Variants in STAB2 observed in about 807,000 individuals in gnomAD.
The protein encoded by STAB2 is stabilin-2.
A neutral mutation model predicts 338.1 loss-of-function variants in STAB2; 288 were observed. The observed-to-expected ratio is 0.85, with a 90% CI of 0.77 to 0.94. The LOEUF is 0.94. Ranked by LOEUF, STAB2 falls within the 40% of genes least tolerant of loss-of-function variation. The pLI is 0.00. For synonymous variants in STAB2, 1,202 were observed against 1,193.3 expected (o/e 1.01, Z -0.15); for missense variants, 3,141 against 3,210.1 (o/e 0.98, Z 0.52).
intron 17 of STAB2, 80 bp downstream of exon 17, chr12:103,660,843 C>G (rs1474966596): frequency 2.3e-5 from 33 of 1,430,454 alleles, no homozygotes; most frequent in Non-Finnish European, 3.2e-5. Context: ...GTTATCCTGC[C>G]TCTATGCTAA....
chr12:103,673,588 A>G (rs533811052), intron 22 of STAB2, among the ~76,000 whole-genome samples: 4 of 152,168 alleles, frequency 2.6e-5, no homozygotes, highest in East Asian at 1.9e-4. Context: ...GGCTCAAGCA[A>G]TCCTCCCACG....
At chr12:103,740,040 A>C (rs1242556821) in intron 54 of STAB2, among the ~76,000 whole-genome samples, 2 of 152,198 alleles carry the variant, frequency 1.3e-5, no homozygotes, top group Non-Finnish European at 2.9e-5. Context: ...GACAAATCTT[A>C]TGACCTATCA....
At chr12:103,653,615 G>GATGGATGC (rs1873916450) in intron 12 of STAB2, among the ~76,000 whole-genome samples, 2 of 148,138 alleles carry the variant, frequency 1.4e-5, no homozygotes, top group South Asian at 4.5e-4. Flanking sequence ...TGGATGGATG[G>GATGGATGC]ATGGATGGAT....
At chr12:103,719,386 A>G (rs1880578725) in intron 44 of STAB2, among the ~76,000 whole-genome samples, 1 of 152,208 alleles carries the variant, frequency 6.6e-6, no homozygotes, top group Middle Eastern at 3.2e-3. Context: ...CTTTCCTAGG[A>G]CTGCTATAAC....
Position 103,667,458 on chromosome 12 carries a change from A to G in STAB2, c.2085+1105A>G, listed in dbSNP as rs186850097. On this transcript the variant is annotated intron_variant, in intron 19 of 68. Coordinates refer to ENST00000388887, the MANE Select transcript of STAB2 (RefSeq NM_017564.10). ...AACGTAAACCACCTTGTACAAGGTCACACAGCTGATGTGGCAGAACCATGA... is the reference window on the plus strand; with the variant it reads ...AACGTAAACCACCTTGTACAAGGTCGCACAGCTGATGTGGCAGAACCATGA... Among the ~76,000 whole-genome samples the G allele has an allele frequency of 3.3e-5, 5 of 152,358 alleles. No homozygotes were observed. The South Asian group carries it at 8.3e-4, about 25-fold the overall frequency.
At chr12:103,646,021 C>A (rs1345506209) in intron 9 of STAB2, among the ~76,000 whole-genome samples, 1 of 152,164 alleles carries the variant, frequency 6.6e-6, no homozygotes, top group Admixed American at 6.5e-5. Context: ...CGGTGGCTCA[C>A]ACCTGTAATC....
At chr12:103,670,617 C>A in intron 21 of STAB2, 79 bp from the exon 22 acceptor site, 2 of 1,129,114 alleles carry the variant, frequency 1.8e-6, no homozygotes, top group South Asian at 1.3e-5. Context: ...AATCTGAATT[C>A]AAAGAAGTCA....
At chr12:103,703,071 T>G in intron 34 of STAB2, 77 bp from the exon 35 acceptor site, 1 of 1,504,762 alleles carries the variant, frequency 6.6e-7, no homozygotes, top group Admixed American at 2.1e-5. Context: ...ATTGTCCTAT[T>G]GCTAACCTCC....
chr12:103,615,418 G>A (rs1383736831), intron 3 of STAB2, among the ~76,000 whole-genome samples: 1 of 152,098 alleles, frequency 6.6e-6, no homozygotes, highest in African/African-American at 2.4e-5. Flanking sequence ...AAGCTGATGG[G>A]GAGTCCTCTA....
At chr12:103,621,267 T>C (rs1425175382) in intron 4 of STAB2, among the ~76,000 whole-genome samples, 1 of 149,516 alleles carries the variant, frequency 6.7e-6, no homozygotes, top group Non-Finnish European at 1.5e-5. Context: ...CTTATGGTGC[T>C]ATCCTCTGCA....
At chr12:103,609,004 T>C (rs1300482575) in intron 3 of STAB2, among the ~76,000 whole-genome samples, 1 of 152,222 alleles carries the variant, frequency 6.6e-6, no homozygotes, top group Non-Finnish European at 1.5e-5. Flanking sequence ...TGTAGATGTG[T>C]GGCATTATTT....
intron 23 of STAB2, 99 bp downstream of exon 23, chr12:103,674,186 A>C: frequency 7.3e-7 from 1 of 1,363,818 alleles, no homozygotes. Context: ...GAGCCAACCC[A>C]TATCTGAACT....
rs756311978 is a variant in STAB2, at chr12:103,740,734, C to T, written c.5859C>T (p.Gly1953=). The change falls in exon 55 of 69, where the codon GGC becomes GGT. Residue 1953 remains glycine, a synonymous_variant. Coordinates refer to ENST00000388887, the MANE Select transcript of STAB2 (RefSeq NM_017564.10). ...TACAGATCCCCAGGTGCTGCAAGGG[C>T]TACTTCGGGCGAGACTGTCAGGGTG... ...LVIQIPRCCK[G]YFGRDCQACP... 2 of 1,592,294 alleles carry T rather than the reference C, an allele frequency of 1.3e-6. No individual in the cohort carries two copies. The highest frequency in any genetic ancestry group is 1.7e-6 in the Non-Finnish European group (2 of 1,172,414).
Position 103,638,074 on chromosome 12 carries a change from A to G in STAB2, c.768A>G (p.Gly256=), listed in dbSNP as rs1297488364. The change falls in exon 8 of 69, where the codon GGA becomes GGG. Residue 256 remains glycine, a synonymous_variant. Transcript: ENST00000388887. ...CTCATGCTCATTGTACGTACCTGGG[A>G]CCAAATCGGCACAGTTGTACATGCC... is the stretch of plus-strand genomic sequence containing the variant. The part of the protein sequence containing the change: ...CHPHAHCTYL[G]PNRHSCTCQE... 4 of 1,614,148 alleles carry G rather than the reference A, an allele frequency of 2.5e-6. No homozygotes were observed. Among genetic ancestry groups the G allele is most frequent in the Non-Finnish European group, 3.4e-6 (4 of 1,180,024 alleles).
intron 65 of STAB2, 59 bp downstream of exon 65, chr12:103,759,332 C>CAT (rs774703388): frequency 1.9e-6 from 3 of 1,594,460 alleles, no homozygotes; most frequent in Non-Finnish European, 2.6e-6. Context: ...AAGTTCCTGG[C>CAT]ATACAGTAGG....
chr12:103,698,778 C>T (rs892626542), intron 33 of STAB2, among the ~76,000 whole-genome samples: 2 of 152,142 alleles, frequency 1.3e-5, no homozygotes, highest in Admixed American at 6.5e-5. Flanking sequence ...GGTGTGGGGA[C>T]TCTAACTTCT....
At chr12:103,643,937 G>C (rs1432264193) in intron 9 of STAB2, among the ~76,000 whole-genome samples, 1 of 79,936 alleles carries the variant, frequency 1.3e-5, no homozygotes, top group African/African-American at 5.3e-5. Context: ...CCGGCCAGCC[G>C]CCCCGTCCGG....
intron 2 of STAB2, among the ~76,000 whole-genome samples, chr12:103,591,925 CTT>C (rs1485509720): frequency 6.6e-6 from 1 of 152,234 alleles, no homozygotes; most frequent in East Asian, 1.9e-4. Flanking sequence ...AATGAGTTTG[CTT>C]TTAATTCCGG....
chr12:103,750,532 G>C (rs747815457), intron 59 of STAB2, 47 bp from the exon 60 acceptor site: 7 of 1,605,862 alleles, frequency 4.4e-6, no homozygotes, highest in Admixed American at 1.7e-5. Flanking sequence ...GCATCCTGGG[G>C]TCCTAGAGAA....
Sources: gnomAD v4.1 joint callset for allele counts (sites outside exome capture counted in the v4.1 genomes callset) on GRCh38, gnomAD v4.1.1 for gene constraint, MANE v1.5 for transcripts, NCBI Gene and HGNC (gene_info 2026-07-23, HGNC 2026-07-21) for gene names.